Variants in SCAPER observed in about 807,000 individuals in gnomAD.
The protein encoded by SCAPER is S phase cyclin A-associated protein in the endoplasmic reticulum.
In SCAPER, 98 loss-of-function variants were observed where a neutral mutation model predicts 182.2. The ratio of observed to expected loss-of-function variants is 0.54; its 90% CI spans 0.46 to 0.64. The LOEUF is 0.64. Ranked by LOEUF, SCAPER falls within the 30% of genes least tolerant of loss-of-function variation. SCAPER has a pLI of 0.00. For missense variants in SCAPER, 1,432 were observed against 1,690.0 expected (o/e 0.85, Z 2.68); for synonymous variants, 605 against 564.6 (o/e 1.07, Z -1.01).
At chr15:76,708,573 C>T (rs2059394436) in intron 17 of SCAPER, among the ~76,000 whole-genome samples, 1 of 151,692 alleles carries the variant, frequency 6.6e-6, no homozygotes, top group African/African-American at 2.4e-5. Context: ...GAAAAGAAGG[C>T]AAAGCTAATC....
At chr15:76,763,398 C>G (rs2062917963) in intron 14 of SCAPER, among the ~76,000 whole-genome samples, 1 of 152,010 alleles carries the variant, frequency 6.6e-6, no homozygotes, top group Non-Finnish European at 1.5e-5. Context: ...TTGCCTTTCT[C>G]TTGCAGCTTT....
intron 25 of SCAPER, among the ~76,000 whole-genome samples, chr15:76,446,442 C>T (rs1040934380): frequency 1.3e-5 from 2 of 152,090 alleles, no homozygotes; most frequent in African/African-American, 4.8e-5. Context: ...CAATAGCTGC[C>T]CAAAAGACAT....
At chr15:76,752,497 T>C (rs2062151881) in intron 15 of SCAPER, among the ~76,000 whole-genome samples, 2 of 151,776 alleles carry the variant, frequency 1.3e-5, no homozygotes, top group South Asian at 4.1e-4. Flanking sequence ...CATTGAGGTA[T>C]GAATGGATAA....
At chr15:76,351,107 A>T in intron 31 of SCAPER, 130 bp downstream of exon 31, 1 of 688,716 alleles carries the variant, frequency 1.5e-6, no homozygotes, top group East Asian at 3.0e-5. Context: ...TATACTTGGT[A>T]TCTGAATCTC....
chr15:76,741,056 T>C (rs1326987583), intron 15 of SCAPER, among the ~76,000 whole-genome samples: 2 of 152,148 alleles, frequency 1.3e-5, no homozygotes, highest in Non-Finnish European at 2.9e-5. Flanking sequence ...AATGAATTCT[T>C]GTGATTAACA....
At chr15:76,747,746 C>T (rs2061871861) in intron 15 of SCAPER, among the ~76,000 whole-genome samples, 1 of 152,114 alleles carries the variant, frequency 6.6e-6, no homozygotes. Context: ...GTGATCTGCA[C>T]ATGCTGGCTC....
intron 21 of SCAPER, among the ~76,000 whole-genome samples, chr15:76,647,545 T>A (rs1010610528): frequency 1.3e-5 from 2 of 152,196 alleles, no homozygotes; most frequent in Admixed American, 6.5e-5. Context: ...AGAGCATACA[T>A]GTAAGTCTGA....
intron 22 of SCAPER, among the ~76,000 whole-genome samples, chr15:76,609,611 T>C (rs541058769): frequency 6.6e-6 from 1 of 152,364 alleles, no homozygotes; most frequent in East Asian, 1.9e-4. Flanking sequence ...TCTGATCTGG[T>C]AATTCCAACA....
chr15:76,434,122 G>T lies in SCAPER; in HGVS notation c.3267C>A (p.Pro1089=). 2 of 1,613,964 alleles carry T rather than the reference G, an allele frequency of 1.2e-6. No homozygotes were observed. The highest frequency in any genetic ancestry group is 2.2e-5 in the South Asian group (2 of 91,084). The change falls in exon 26 of 32, where the codon CCC becomes CCA. Residue 1089 remains proline, a synonymous_variant. Transcript: ENST00000563290. ...KIPTQEMKNK[P]SQGDPFNNRV... ...GATTGTTAAAAGGATCACCTTGTGAGGGTTTGTTTTTCATTTCCTGTGTTG... is the reference window on the plus strand; with the variant it reads ...GATTGTTAAAAGGATCACCTTGTGATGGTTTGTTTTTCATTTCCTGTGTTG...
intron 17 of SCAPER, among the ~76,000 whole-genome samples, chr15:76,706,673 T>C (rs2059278706): frequency 6.6e-6 from 1 of 152,084 alleles, no homozygotes; most frequent in African/African-American, 2.4e-5. Context: ...GGTGAGATAA[T>C]ATACTGAAAA....
intron 14 of SCAPER, among the ~76,000 whole-genome samples, chr15:76,763,882 A>T (rs577732828): frequency 3.8e-4 from 57 of 151,346 alleles, no homozygotes; most frequent in Non-Finnish European, 7.5e-4. Flanking sequence ...TACATTATTT[A>T]TCTGTGTTCT....
chr15:76,893,766 C>T (rs1467043954), intron 1 of SCAPER, among the ~76,000 whole-genome samples: 10 of 152,056 alleles, frequency 6.6e-5, no homozygotes, highest in Non-Finnish European at 8.8e-5. Flanking sequence ...AGGAAGAAAA[C>T]TGGAAAATTC....
chr15:76,902,683 A>T (rs751900927), intron 1 of SCAPER, among the ~76,000 whole-genome samples: 1 of 152,202 alleles, frequency 6.6e-6, no homozygotes, highest in Non-Finnish European at 1.5e-5. Flanking sequence ...CCCACTTTCT[A>T]AGTGTTTAAA....
chr15:76,424,025 G>T (rs1472520077), intron 26 of SCAPER, among the ~76,000 whole-genome samples: 1 of 152,206 alleles, frequency 6.6e-6, no homozygotes, highest in Non-Finnish European at 1.5e-5. Context: ...TTGCTAAGGA[G>T]TGCCTTACTT....
At chr15:76,444,273 T>TA (rs1468068697) in intron 25 of SCAPER, among the ~76,000 whole-genome samples, 1 of 152,186 alleles carries the variant, frequency 6.6e-6, no homozygotes, top group African/African-American at 2.4e-5. Context: ...GTTAATAATG[T>TA]AAAAAAGATT....
intron 9 of SCAPER, among the ~76,000 whole-genome samples, chr15:76,773,206 GAAGTA>G (rs1035826878): frequency 9.2e-5 from 14 of 151,834 alleles, no homozygotes; most frequent in African/African-American, 3.4e-4. Context: ...GCTAAAATAT[GAAGTA>G]AAGACATTAA....
At chr15:76,785,080 A>G (rs2064477517) in intron 8 of SCAPER, among the ~76,000 whole-genome samples, 1 of 152,272 alleles carries the variant, frequency 6.6e-6, no homozygotes, top group Non-Finnish European at 1.5e-5. Flanking sequence ...AACTACCGTC[A>G]GAGTGAACAG....
intron 30 of SCAPER, among the ~76,000 whole-genome samples, chr15:76,351,580 A>C (rs998255383): frequency 6.6e-6 from 1 of 152,224 alleles, no homozygotes; most frequent in Non-Finnish European, 1.5e-5. Flanking sequence ...TAAAATATCA[A>C]CAGGTGTTGA....
intron 25 of SCAPER, among the ~76,000 whole-genome samples, chr15:76,468,294 AAACTC>A (rs1010437424): frequency 1.3e-5 from 2 of 152,144 alleles, no homozygotes; most frequent in Non-Finnish European, 2.9e-5. Flanking sequence ...AGGAATGAAA[AAACTC>A]AGAAAGTGCC....
Sources: allele counts gnomAD v4.1 joint callset (sites outside exome capture counted in the v4.1 genomes callset), GRCh38; gene constraint gnomAD v4.1.1; transcripts MANE v1.5; gene names NCBI Gene and HGNC (gene_info 2026-07-23, HGNC 2026-07-21).